RARB: variants seen among roughly 807,000 people sequenced by gnomAD.
RARB encodes the protein retinoic acid receptor beta, also known as HBV-activated protein.
A neutral mutation model predicts 51.9 loss-of-function variants in RARB; 17 were observed. The observed-to-expected ratio is 0.33, with a 90% CI of 0.22 to 0.49. The LOEUF (loss-of-function observed/expected upper bound fraction) is 0.49, where lower values mean the gene tolerates loss of function less well. Ranked by LOEUF, RARB falls within the 20% of genes least tolerant of loss-of-function variation. The pLI, the probability that RARB is intolerant of heterozygous loss-of-function variation, is 0.99. For missense variants in RARB, 369 were observed against 550.8 expected, an observed-to-expected ratio of 0.67 and a Z score of 3.30; for synonymous variants, 215 against 195.4, an observed-to-expected ratio of 1.10 and a Z score of -0.84.
At chr3:25,581,753 G>A (rs1049489498) in intron 5 of RARB, among the ~76,000 whole-genome samples, 13 of 152,182 alleles carry the variant, frequency 8.5e-5, no homozygotes, top group Admixed American at 3.3e-4. Flanking sequence ...CTTATGAGGA[G>A]ATGAAGCCAC....
At chr3:25,199,704 C>T (rs1374931056) in intron 5 of RARB, among the ~76,000 whole-genome samples, 1 of 152,004 alleles carries the variant, frequency 6.6e-6, no homozygotes, top group Non-Finnish European at 1.5e-5. Context: ...TGTTTGGTTT[C>T]TTGACCTTGC....
intron 2 of RARB, among the ~76,000 whole-genome samples, chr3:24,906,402 A>C (rs1263136275): frequency 1.3e-5 from 2 of 152,208 alleles, no homozygotes; most frequent in Non-Finnish European, 2.9e-5. Flanking sequence ...AATTTGACAA[A>C]TGACAGAGTC....
At chr3:24,871,786 T>C (rs142685096) in intron 2 of RARB, among the ~76,000 whole-genome samples, 1 of 152,206 alleles carries the variant, frequency 6.6e-6, no homozygotes. Context: ...GTTTCTGTTA[T>C]TGGTGACTTT....
At chr3:25,293,885 G>A (rs1231281423) in intron 5 of RARB, among the ~76,000 whole-genome samples, 3 of 152,180 alleles carry the variant, frequency 2.0e-5, no homozygotes, top group African/African-American at 4.8e-5. Context: ...GAATGCTGGA[G>A]CTCAATTTCA....
intron 2 of RARB, among the ~76,000 whole-genome samples, chr3:25,017,997 A>T (rs901677746): frequency 6.6e-6 from 1 of 152,138 alleles, no homozygotes; most frequent in African/African-American, 2.4e-5. Context: ...TCTAGACACC[A>T]ATTTGCTCAC....
chr3:24,991,691 A>T (rs887575543), intron 2 of RARB, among the ~76,000 whole-genome samples: 1 of 152,062 alleles, frequency 6.6e-6, no homozygotes, highest in Non-Finnish European at 1.5e-5. Context: ...TAAAAGTTTT[A>T]AAAATGCATA....
intron 5 of RARB, among the ~76,000 whole-genome samples, chr3:25,336,299 A>C (rs1425650383): frequency 3.3e-5 from 5 of 152,210 alleles, no homozygotes; most frequent in Non-Finnish European, 5.9e-5. Context: ...AATGACATAC[A>C]TGCTTTAAAA....
chr3:25,052,790 C>T (rs1698363681), intron 2 of RARB, among the ~76,000 whole-genome samples: 1 of 151,656 alleles, frequency 6.6e-6, no homozygotes. Context: ...TTGTGTTCTC[C>T]ATCTAGAAAT....
intron 5 of RARB, among the ~76,000 whole-genome samples, chr3:25,355,961 C>T (rs1406314288): frequency 1.3e-5 from 2 of 151,930 alleles, no homozygotes; most frequent in Non-Finnish European, 2.9e-5. Context: ...TGGAAAATAA[C>T]TTTTTTATTA....
chr3:25,158,554 T>A (rs1700415217), intron 4 of RARB, among the ~76,000 whole-genome samples: 1 of 152,178 alleles, frequency 6.6e-6, no homozygotes, highest in African/African-American at 2.4e-5. Flanking sequence ...TCTTCTTCCT[T>A]AAGATATATT....
At chr3:24,889,966 C>T (rs960274080) in intron 2 of RARB, among the ~76,000 whole-genome samples, 1 of 149,706 alleles carries the variant, frequency 6.7e-6, no homozygotes, top group Non-Finnish European at 1.5e-5. Flanking sequence ...GAAAGAAAAA[C>T]CTTAATAATG....
upstream of RARB, among the ~76,000 whole-genome samples, chr3:25,427,347 T>C (rs1407914332): frequency 6.6e-6 from 1 of 152,216 alleles, no homozygotes; most frequent in East Asian, 1.9e-4. Context: ...CAGTTAACAC[T>C]GACGTGGGTA....
intron 5 of RARB, among the ~76,000 whole-genome samples, chr3:25,292,360 G>A (rs917077008): frequency 2.0e-5 from 3 of 152,254 alleles, no homozygotes; most frequent in East Asian, 1.9e-4. Flanking sequence ...TAAAGGCAAA[G>A]TGGGGCACAC....
At chr3:25,102,584 C>T (rs1699425096) in intron 3 of RARB, among the ~76,000 whole-genome samples, 1 of 151,418 alleles carries the variant, frequency 6.6e-6, no homozygotes, top group Non-Finnish European at 1.5e-5. Flanking sequence ...TACACATGTT[C>T]AAAATATATA....
intron 3 of RARB, among the ~76,000 whole-genome samples, chr3:25,087,091 G>A (rs909859306): frequency 3.9e-5 from 6 of 152,004 alleles, no homozygotes; most frequent in Non-Finnish European, 8.8e-5. Context: ...TTTTTTCAGG[G>A]CCTGCTACCT....
At chr3:25,079,532 C>A (rs73034769) in intron 3 of RARB, among the ~76,000 whole-genome samples, 2 of 152,050 alleles carry the variant, frequency 1.3e-5, no homozygotes, top group Non-Finnish European at 2.9e-5. Flanking sequence ...ATTATGCTAA[C>A]CTTTTATTAA....
At chr3:25,072,431 C>T (rs1350138479) in intron 3 of RARB, among the ~76,000 whole-genome samples, 1 of 152,038 alleles carries the variant, frequency 6.6e-6, no homozygotes, top group African/African-American at 2.4e-5. Flanking sequence ...ATGTGAGCCT[C>T]AAGATATAAA....
rs1474578010 is a variant in RARB at position 24,917,632 on chromosome 3, G to A, written c.-380+58880G>A. ...TGCAACCTCTGCCTCCTGGGTTCAA[G>A]CGATTCTCCTGCCTCAGCCTCCCAA... On this transcript the variant is annotated intron_variant, in intron 2 of 11. Coordinates refer to the RARB transcript ENST00000383772. Among the ~76,000 whole-genome samples, 7 of 152,354 alleles carry A rather than the reference G, an allele frequency of 4.6e-5. No homozygotes were observed. In the East Asian group the frequency reaches 1.4e-3, roughly 29 times the overall value.
intron 3 of RARB, among the ~76,000 whole-genome samples, chr3:25,523,615 C>A (rs1219469222): frequency 1.3e-5 from 2 of 152,150 alleles, no homozygotes; most frequent in Non-Finnish European, 2.9e-5. Context: ...ACTGAATAAA[C>A]TACAAATTAG....
Sources: gnomAD v4.1 joint callset for allele counts (sites outside exome capture counted in the v4.1 genomes callset) on GRCh38, gnomAD v4.1.1 for gene constraint, MANE v1.5 for transcripts, NCBI Gene and HGNC (gene_info 2026-07-23, HGNC 2026-07-21) for gene names.